Variants in MTOR observed in about 807,000 individuals in gnomAD.
MTOR encodes the protein serine/threonine-protein kinase mTOR.
In MTOR, 70 loss-of-function variants were observed where a neutral mutation model predicts 319.8. That is an observed-to-expected ratio of 0.22 (90% CI 0.18 to 0.27). The LOEUF (loss-of-function observed/expected upper bound fraction) is 0.27, where lower values mean the gene tolerates loss of function less well. MTOR is among the 10% of genes least tolerant of loss of function. The probability of loss-of-function intolerance (pLI) is 1.00; values close to 1 mark genes in which losing one functional copy is unlikely to be tolerated. For synonymous variants in MTOR, 1,183 were observed against 1,211.4 expected, an observed-to-expected ratio of 0.98 and a Z score of 0.49; for missense variants, 1,890 against 3,274.4, an observed-to-expected ratio of 0.58 and a Z score of 10.32.
intron 5 of MTOR, 110 bp from the exon 6 acceptor site, chr1:11,254,083 G>T: frequency 8.3e-7 from 1 of 1,203,144 alleles, no homozygotes; most frequent in Non-Finnish European, 1.2e-6. Flanking sequence ...CGCCTGCTCA[G>T]TGCCTAGTGC....
intron 28 of MTOR, among the ~76,000 whole-genome samples, chr1:11,184,017 G>A (rs1212949900): frequency 2.6e-5 from 4 of 152,154 alleles, no homozygotes; most frequent in Non-Finnish European, 4.4e-5. Flanking sequence ...ATTTAATTCT[G>A]TTCCATTTGT....
Position 11,153,136 on chromosome 1 carries a change from C to CT in MTOR, c.4470-2911dup, listed in dbSNP as rs1008950780. On this transcript the variant is annotated intron_variant, in intron 30 of 57. Coordinates refer to ENST00000361445, the MANE Select transcript of MTOR (RefSeq NM_004958.4). ...TTCCAATGTATCCAATCTGCTCCTA[C>CT]TAACCCAGCTAGGAAAAGTGGTCAT... Among the ~76,000 whole-genome samples, 8 of 152,176 alleles carry CT rather than the reference C, an allele frequency of 5.3e-5. 1 individual carries two copies. Among genetic ancestry groups the CT allele is most frequent in the Admixed American group, 3.3e-4 (5 of 15,288 alleles).
At chr1:11,261,426 C>G (rs1456986349) in intron 1 of MTOR, among the ~76,000 whole-genome samples, 5 of 151,742 alleles carry the variant, frequency 3.3e-5, no homozygotes. Flanking sequence ...GAGCAGAGAT[C>G]GAGCCACTGC....
At chr1:11,190,786 T>C (rs1194262249) in intron 28 of MTOR, among the ~76,000 whole-genome samples, 2 of 152,240 alleles carry the variant, frequency 1.3e-5, no homozygotes, top group South Asian at 2.1e-4. Flanking sequence ...GCATATCCTA[T>C]AGACATGTCA....
intron 19 of MTOR, among the ~76,000 whole-genome samples, chr1:11,223,777 C>T (rs1054344497): frequency 7.2e-5 from 11 of 152,094 alleles, no homozygotes; most frequent in Non-Finnish European, 4.4e-5. Flanking sequence ...CAGTGGTTCA[C>T]ACCTGTAATC....
At chr1:11,111,004 T>C (rs1641836329) in intron 54 of MTOR, 1 of 404,432 alleles carries the variant, frequency 2.5e-6, no homozygotes, top group African/African-American at 2.1e-5. Context: ...CACACTTCGT[T>C]TGAGACCAGC....
chr1:11,255,925 C>G, intron 5 of MTOR, 67 bp downstream of exon 5: 9 of 1,500,386 alleles, frequency 6.0e-6, no homozygotes, highest in Non-Finnish European at 8.2e-6. Context: ...TGTGGCTGCC[C>G]TTTAGGCCAG....
chr1:11,174,681 G>A (rs995928950), intron 28 of MTOR, among the ~76,000 whole-genome samples: 9 of 152,210 alleles, frequency 5.9e-5, no homozygotes, highest in Admixed American at 5.2e-4. Context: ...GGCAGAGACT[G>A]TATGTTCGGC....
rs2100382291 is a variant in MTOR at position 11,124,581 on chromosome 1, G to C, written c.6579C>G (p.Arg2193=). 2 of 1,612,834 alleles carry C rather than the reference G, an allele frequency of 1.2e-6. No individual in the cohort carries two copies. Among genetic ancestry groups the C allele is most frequent in the Non-Finnish European group, 1.7e-6 (2 of 1,178,866 alleles). Residue 2193 remains arginine (R), a synonymous_variant, in exon 47 of 58, where the codon CGC becomes CGG. Transcript: ENST00000361445. ...AGAGCTGCATCACACGCTCATCCTG[G>C]CGCAGATCTTCATGGCCTTTTAGAA... ...VFLLKGHEDL[R]QDERVMQLFG... is the part of the protein sequence containing the mutation.
At chr1:11,142,296 CT>C (rs538873427) in intron 34 of MTOR, among the ~76,000 whole-genome samples, 3 of 150,352 alleles carry the variant, frequency 2.0e-5, no homozygotes, top group South Asian at 2.1e-4. Context: ...GGCAGAACTC[CT>C]TTTTTTTTGG....
At chr1:11,172,490 G>T (rs928338369) in intron 28 of MTOR, among the ~76,000 whole-genome samples, 1 of 146,864 alleles carries the variant, frequency 6.8e-6, no homozygotes, top group African/African-American at 2.5e-5. Flanking sequence ...AACCCGAGAG[G>T]TGGAGCTTGC....
chr1:11,244,634 A>C (rs780672023), intron 8 of MTOR, among the ~76,000 whole-genome samples: 6 of 152,248 alleles, frequency 3.9e-5, no homozygotes, highest in Non-Finnish European at 5.9e-5. Context: ...CTGTCTCAGA[A>C]AAACAAACAA....
intron 25 of MTOR, among the ~76,000 whole-genome samples, chr1:11,208,597 A>G (rs1646214264): frequency 6.6e-6 from 1 of 152,250 alleles, no homozygotes; most frequent in South Asian, 2.1e-4. Flanking sequence ...ATGAAAGACT[A>G]ATGCAAAATG....
Position 11,107,029 on chromosome 1 carries a change from C to T in MTOR, c.*456G>A, listed in dbSNP as rs959518323. ...GTGGCAGGGGTGAGGTCAGCATCTT[C>T]TGTGTCTTTACAGTCTAGGATCCTA... On this transcript the variant is annotated 3_prime_UTR_variant, in exon 58 of 58. Coordinates refer to ENST00000361445, the MANE Select transcript of MTOR (RefSeq NM_004958.4). The T allele has an allele frequency of 1.1e-5, 15 of 1,371,088 alleles. No individual in the cohort carries two copies. The African/African-American group carries it at 2.1e-4, about 20-fold the overall frequency. 84.9% of individuals were successfully genotyped at this position (1,371,088 alleles called of 1,614,324 possible).
At chr1:11,137,856 C>A (rs1014750132) in intron 36 of MTOR, among the ~76,000 whole-genome samples, 3 of 152,208 alleles carry the variant, frequency 2.0e-5, no homozygotes, top group Admixed American at 1.3e-4. Context: ...TCAGGCGAGG[C>A]AGAGCATGAT....
At chr1:11,238,767 T>TC (rs1491251214) in intron 11 of MTOR, 150 bp from the exon 12 acceptor site, 2 of 208,740 alleles carry the variant, frequency 9.6e-6, no homozygotes, top group Non-Finnish European at 1.6e-5. Flanking sequence ...GGAACTCTTC[T>TC]TTTTTTTTTT....
rs556828075 is a variant in MTOR at position 11,175,516 on chromosome 1, C to T, written c.4254-7999G>A. On this transcript the variant is annotated intron_variant, in intron 28 of 57. Transcript: ENST00000361445. ...GAACTAATACTAAGAAATTGCCTTG[C>T]TGCCTTCCTATAGCAAACATCACAC... Among the ~76,000 whole-genome samples the T allele has an allele frequency of 1.6e-4, 24 of 152,268 alleles. No individual in the cohort carries two copies. In the South Asian group the frequency reaches 4.1e-3, roughly 26 times the overall value.
At chr1:11,140,525 G>A (rs1229330642) in intron 34 of MTOR, among the ~76,000 whole-genome samples, 2 of 152,066 alleles carry the variant, frequency 1.3e-5, no homozygotes, top group African/African-American at 2.4e-5. Flanking sequence ...ACCGGTCCCC[G>A]GCCCCGGGTC....
chr1:11,243,949 G>A (rs1399826548), intron 8 of MTOR, among the ~76,000 whole-genome samples: 1 of 151,912 alleles, frequency 6.6e-6, no homozygotes, highest in African/African-American at 2.4e-5. Flanking sequence ...GAGTCCAGGA[G>A]TTTGAGGCCG....
Sources: allele counts gnomAD v4.1 joint callset (sites outside exome capture counted in the v4.1 genomes callset), GRCh38; gene constraint gnomAD v4.1.1; transcripts MANE v1.5; gene names NCBI Gene and HGNC (gene_info 2026-07-23, HGNC 2026-07-21).